WWOX: variants seen among roughly 807,000 people sequenced by gnomAD.
WWOX encodes WW domain-containing oxidoreductase.
A neutral mutation model predicts 46.2 loss-of-function variants in WWOX; 69 were observed. That is an observed-to-expected ratio of 1.49 (90% CI 1.23 to 1.82). The LOEUF (loss-of-function observed/expected upper bound fraction) is 1.82. Ranked by LOEUF, WWOX falls within the 40% of genes most tolerant of loss-of-function variation. The pLI is 0.00. For missense variants in WWOX, 919 were observed against 542.6 expected, an observed-to-expected ratio of 1.69 and a Z score of -6.89; for synonymous variants, 359 against 202.6, an observed-to-expected ratio of 1.77 and a Z score of -6.56.
intron 8 of WWOX, among the ~76,000 whole-genome samples, chr16:78,812,216 G>T (rs1162380486): frequency 6.6e-6 from 1 of 151,988 alleles, no homozygotes; most frequent in Non-Finnish European, 1.5e-5. Context: ...AAGACAAGAT[G>T]ACATCCCAAA....
At chr16:79,114,380 A>G (rs1490217164) in intron 8 of WWOX, among the ~76,000 whole-genome samples, 20 of 151,118 alleles carry the variant, frequency 1.3e-4, no homozygotes. Context: ...GTGTGTGCAC[A>G]CATATCTACG....
At chr16:78,513,063 T>C (rs911646609) in intron 8 of WWOX, among the ~76,000 whole-genome samples, 1 of 152,180 alleles carries the variant, frequency 6.6e-6, no homozygotes, top group Admixed American at 6.5e-5. Flanking sequence ...TAAAGTTAAG[T>C]AGTAAACGTA....
At chr16:78,251,587 T>C (rs1251923960) in intron 5 of WWOX, among the ~76,000 whole-genome samples, 1 of 152,232 alleles carries the variant, frequency 6.6e-6, no homozygotes, top group Non-Finnish European at 1.5e-5. Context: ...AAAACTCTTC[T>C]AGCTAACTTC....
At chr16:78,994,513 A>G (rs1035705443) in intron 8 of WWOX, 13 of 152,236 alleles carry the variant, frequency 8.5e-5, no homozygotes, top group African/African-American at 1.9e-4. Flanking sequence ...GACAAATGCA[A>G]TGCGAATGGT....
chr16:78,186,553 C>T (rs1386348462), intron 5 of WWOX, among the ~76,000 whole-genome samples: 8 of 152,140 alleles, frequency 5.3e-5, no homozygotes, highest in Non-Finnish European at 1.2e-4. Flanking sequence ...CACTTGTGGT[C>T]AGGAGTTTGA....
At chr16:78,512,518 T>C (rs905100914) in intron 8 of WWOX, among the ~76,000 whole-genome samples, 3 of 152,210 alleles carry the variant, frequency 2.0e-5, no homozygotes, top group Middle Eastern at 3.2e-3. Context: ...TTACTTAGCA[T>C]TGAATGCATG....
At chr16:79,197,441 C>G (rs1207856488) in intron 8 of WWOX, among the ~76,000 whole-genome samples, 1 of 152,170 alleles carries the variant, frequency 6.6e-6, no homozygotes, top group Non-Finnish European at 1.5e-5. Flanking sequence ...TTGGCAGACA[C>G]TGTGAATCAA....
chr16:79,139,788 T>A (rs1255533399), intron 8 of WWOX, among the ~76,000 whole-genome samples: 1 of 152,232 alleles, frequency 6.6e-6, no homozygotes, highest in East Asian at 1.9e-4. Context: ...GAAAGGGCTC[T>A]TGAAAAATGT....
chr16:78,859,048 A>G (rs1203632041), intron 8 of WWOX, among the ~76,000 whole-genome samples: 3 of 24,920 alleles, frequency 1.2e-4, no homozygotes, highest in African/African-American at 2.1e-4. Flanking sequence ...ATATATATAT[A>G]TGTATATATA....
chr16:78,403,075 G>C (rs1261533103), intron 6 of WWOX, among the ~76,000 whole-genome samples: 1 of 152,186 alleles, frequency 6.6e-6, no homozygotes, highest in Admixed American at 6.5e-5. Flanking sequence ...CTCTATTACA[G>C]CTCCATATAT....
At chr16:78,550,177 T>C (rs2667653) in intron 8 of WWOX, among the ~76,000 whole-genome samples, 3 of 152,250 alleles carry the variant, frequency 2.0e-5, no homozygotes, top group East Asian at 1.9e-4. Context: ...CTTACTATTG[T>C]CATTAAAAGT....
intron 5 of WWOX, among the ~76,000 whole-genome samples, chr16:78,188,985 A>C (rs2035796196): frequency 6.6e-6 from 1 of 152,044 alleles, no homozygotes; most frequent in Non-Finnish European, 1.5e-5. Context: ...AGAATGGGGG[A>C]AGGGGGCAGG....
At chr16:78,373,042 T>G (rs936889186) in intron 5 of WWOX, among the ~76,000 whole-genome samples, 2 of 152,212 alleles carry the variant, frequency 1.3e-5, no homozygotes, top group African/African-American at 4.8e-5. Context: ...CAATTGACTT[T>G]TTCAACTCTG....
intron 6 of WWOX, among the ~76,000 whole-genome samples, chr16:78,419,634 A>T (rs942529862): frequency 6.8e-6 from 1 of 146,042 alleles, no homozygotes; most frequent in Non-Finnish European, 1.5e-5. Flanking sequence ...GCAAAAAAAA[A>T]AAAAAAAAAA....
At chr16:79,000,523 G>C (rs1040008879) in intron 8 of WWOX, among the ~76,000 whole-genome samples, 6 of 152,104 alleles carry the variant, frequency 3.9e-5, no homozygotes, top group Non-Finnish European at 8.8e-5. Flanking sequence ...AGAGGACTTG[G>C]CCTGATGTTA....
At chr16:78,842,236 G>A (rs556541849) in intron 8 of WWOX, among the ~76,000 whole-genome samples, 2 of 151,516 alleles carry the variant, frequency 1.3e-5, no homozygotes, top group South Asian at 2.1e-4. Flanking sequence ...GCTCTCTCCT[G>A]TAATCTCAGC....
At chr16:78,728,055 C>CTTTTTT (rs758484198) in intron 8 of WWOX, among the ~76,000 whole-genome samples, 4 of 86,782 alleles carry the variant, frequency 4.6e-5, no homozygotes, top group African/African-American at 1.8e-4. Context: ...TCCCTCCTTC[C>CTTTTTT]TTTTTTTTTT....
At position 78,497,259 on chromosome 16, in the gene WWOX, C is replaced by G. The variant is rs181818418; in HGVS notation, c.1056+64507C>G. Among the ~76,000 whole-genome samples, 338 of 152,232 alleles carry G rather than the reference C, an allele frequency of 2.2e-3. 2 individuals are homozygous for G. The highest frequency in any genetic ancestry group is 4.0e-3 in the Non-Finnish European group (269 of 68,022). The stretch of plus-strand genomic sequence containing the variant: ...TTTTTTGCTCTGATTCTAGCTTTTC[C>G]TCCAATTTTATTCAGAATTTGTTCT... On this transcript the variant is annotated intron_variant, in intron 8 of 8. Coordinates refer to ENST00000566780, the MANE Select transcript of WWOX (RefSeq NM_016373.4).
At chr16:79,172,592 G>A (rs1362026348) in intron 8 of WWOX, among the ~76,000 whole-genome samples, 1 of 152,162 alleles carries the variant, frequency 6.6e-6, no homozygotes, top group Admixed American at 6.5e-5. Context: ...GCCTCTTTAG[G>A]AGTGTGTTTT....
Sources: gnomAD v4.1 joint callset for allele counts (sites outside exome capture counted in the v4.1 genomes callset) on GRCh38, gnomAD v4.1.1 for gene constraint, MANE v1.5 for transcripts, NCBI Gene and HGNC (gene_info 2026-07-23, HGNC 2026-07-21) for gene names.